Variants in TLN2 observed in about 807,000 individuals in gnomAD.
TLN2 encodes talin 2.
In TLN2, 118 loss-of-function variants were observed where a neutral mutation model predicts 294.7. The observed-to-expected ratio is 0.40, with a 90% CI of 0.34 to 0.47. The LOEUF is 0.47. Ranked by LOEUF, TLN2 falls within the 20% of genes least tolerant of loss-of-function variation. The pLI is 0.84. For synonymous variants in TLN2, 1,431 were observed against 1,304.5 expected (o/e 1.10, Z -2.09); for missense variants, 3,083 against 3,282.2 (o/e 0.94, Z 1.48).
chr15:62,662,984 C>G (rs1344043836), intron 9 of TLN2, among the ~76,000 whole-genome samples: 1 of 151,752 alleles, frequency 6.6e-6, no homozygotes, highest in African/African-American at 2.4e-5. Context: ...CCACCACGCC[C>G]GGCTAATTTT....
rs779849306 is a variant in TLN2, at chr15:62,755,608, C to T, written c.4553C>T (p.Thr1518Met). 73 of 1,614,100 alleles carry T rather than the reference C, an allele frequency of 4.5e-5. No individual in the cohort carries two copies. Among genetic ancestry groups the T allele is most frequent in the Non-Finnish European group, 5.7e-5 (67 of 1,180,022 alleles). Residue 1518 changes from threonine to methionine, a missense_variant, in exon 37 of 59, where the codon ACG (threonine) becomes ATG (methionine). Physicochemically the swap from Thr to Met is moderately conservative, Grantham distance 81 (BLOSUM62 -1). Coordinates refer to ENST00000636159, the MANE Select transcript of TLN2 (RefSeq NM_015059.3). ...GCCTGCCGCATCGCCTCATCCAAGA[C>T]GGCCAACCCAGTAGCCAAGAGGCAC... ...CNACRIASSK[T>M]ANPVAKRHFV...
intron 54 of TLN2, chr15:62,831,857 C>G (rs2141245325): frequency 6.6e-6 from 1 of 152,328 alleles, no homozygotes; most frequent in East Asian, 1.9e-4. Flanking sequence ...AGACTTGTAT[C>G]CCTCCTGTCT....
intron 57 of TLN2, among the ~76,000 whole-genome samples, chr15:62,836,351 G>C (rs1031751050): frequency 6.6e-6 from 1 of 152,222 alleles, no homozygotes; most frequent in Non-Finnish European, 1.5e-5. Context: ...TGACTCATCT[G>C]GGAAGCCCTC....
intron 32 of TLN2, among the ~76,000 whole-genome samples, chr15:62,745,561 T>C (rs879208687): frequency 6.6e-6 from 1 of 152,194 alleles, no homozygotes; most frequent in South Asian, 2.1e-4. Context: ...TTTAGAGGGG[T>C]AGGCCCATTC....
chr15:62,478,763 T>C (rs1217732126), intron 1 of TLN2, among the ~76,000 whole-genome samples: 1 of 152,226 alleles, frequency 6.6e-6, no homozygotes, highest in Non-Finnish European at 1.5e-5. Flanking sequence ...GTGACCTCGC[T>C]CTGGTCAGAG....
intron 1 of TLN2, among the ~76,000 whole-genome samples, chr15:62,574,987 A>G (rs1304960537): frequency 6.6e-6 from 1 of 152,150 alleles, no homozygotes; most frequent in South Asian, 2.1e-4. Flanking sequence ...GTTGACTTAG[A>G]TGAGTGCTTC....
chr15:62,603,285 GT>G (rs940593420), intron 2 of TLN2, among the ~76,000 whole-genome samples: 3 of 151,910 alleles, frequency 2.0e-5, no homozygotes, highest in South Asian at 2.1e-4. Flanking sequence ...CGTTGTAGTG[GT>G]TTTTTTTTAA....
intron 37 of TLN2, among the ~76,000 whole-genome samples, chr15:62,758,041 G>C (rs1280634704): frequency 1.3e-5 from 2 of 152,172 alleles, no homozygotes; most frequent in Admixed American, 6.5e-5. Context: ...CTTAAGACAG[G>C]TGCCCTGATA....
In TLN2 at chr15:62,727,717, G is replaced by A. The variant is rs374362791; in HGVS notation, c.3358+528G>A. Among the ~76,000 whole-genome samples the A allele has an allele frequency of 2.1e-4, 32 of 152,342 alleles. No individual in the cohort carries two copies. In the East Asian group the frequency reaches 4.6e-3, roughly 22 times the overall value. On this transcript the variant is annotated intron_variant, in intron 28 of 58. Coordinates refer to ENST00000636159, the MANE Select transcript of TLN2 (RefSeq NM_015059.3). ...TAAACATCTCTATAAGGAACAGATT[G>A]CACAATCATCAACTCTAAGAAAAGC...
At chr15:62,462,432 A>G (rs1488662686) in intron 1 of TLN2, among the ~76,000 whole-genome samples, 2 of 152,236 alleles carry the variant, frequency 1.3e-5, no homozygotes, top group Non-Finnish European at 2.9e-5. Flanking sequence ...ACTTGAGGAA[A>G]CTGGCTGGAC....
At position 62,673,834 on chromosome 15, in the gene TLN2, G is replaced by A. The variant is rs2055799058; in HGVS notation, c.796G>A (p.Glu266Lys). Residue 266 changes from glutamate (E) to lysine (K), a missense_variant, in exon 10 of 59, where the codon GAA becomes AAA. Glu to Lys is a moderately conservative substitution (Grantham distance 56, BLOSUM62 1). Transcript: ENST00000636159. ...KHKPGFLDLK[E>K]FLPKEYIKQR... ...TAAATGTCTCTCTCTTAGTCTGAAG[G>A]AATTCCTGCCCAAAGAATATATCAA... The A allele has an allele frequency of 1.2e-6, 2 of 1,612,904 alleles. No homozygotes were observed. The highest frequency in any genetic ancestry group is 1.7e-6 in the Non-Finnish European group (2 of 1,179,404).
intron 1 of TLN2, among the ~76,000 whole-genome samples, chr15:62,571,393 T>C (rs1239351309): frequency 1.3e-5 from 2 of 152,244 alleles, no homozygotes; most frequent in African/African-American, 2.4e-5. Context: ...GACTGCACTT[T>C]TTACAGCCAG....
intron 1 of TLN2, among the ~76,000 whole-genome samples, chr15:62,580,480 G>C (rs2044859275): frequency 7.1e-6 from 1 of 141,548 alleles, no homozygotes; most frequent in Non-Finnish European, 1.5e-5. Context: ...GCGAGATCTA[G>C]GCACAGTGCA....
chr15:62,398,680 CAA>C (rs887996448), intron 1 of TLN2, among the ~76,000 whole-genome samples: 13 of 152,260 alleles, frequency 8.5e-5, no homozygotes, highest in African/African-American at 3.1e-4. Context: ...TATGCTTCAG[CAA>C]AGAGACTGGT....
At position 62,835,757 on chromosome 15, in the gene TLN2, T is replaced by C; in HGVS notation, c.7149T>C (p.Asn2383=). The C allele has an allele frequency of 6.2e-7, 1 of 1,614,176 alleles. No homozygotes were observed. Among genetic ancestry groups the C allele is most frequent in the Non-Finnish European group, 8.5e-7 (1 of 1,180,024 alleles). The change falls in exon 56 of 59, where the codon AAT becomes AAC. Residue 2383 remains asparagine, a synonymous_variant. Coordinates refer to ENST00000636159, the MANE Select transcript of TLN2 (RefSeq NM_015059.3). The part of the protein sequence containing the change: ...AQGKVGSIPA[N]AADDGQWSQG... The stretch of plus-strand genomic sequence containing the variant: ...TCTAGGTGGGCTCCATCCCTGCCAA[T>C]GCTGCAGACGACGGACAGTGGTCAC...
chr15:62,667,188 G>A (rs192105422), intron 9 of TLN2, among the ~76,000 whole-genome samples: 351 of 152,118 alleles, frequency 2.3e-3, no homozygotes, highest in Non-Finnish European at 3.0e-3. Context: ...GGATGGTCTC[G>A]ATCTCCTGAC....
At position 62,809,717 on chromosome 15, in the gene TLN2, C is replaced by A. The variant is rs527617012; in HGVS notation, c.6664-208C>A. ...CTATCGTTTGGCCCCAGGGCACTAA[C>A]AAAGTCTGCACACAGACTGCATCAG... On this transcript the variant is annotated intron_variant, in intron 51 of 58. Coordinates refer to ENST00000636159, the MANE Select transcript of TLN2 (RefSeq NM_015059.3). Among the ~76,000 whole-genome samples the A allele has an allele frequency of 3.3e-5, 5 of 152,308 alleles. No homozygotes were observed. The East Asian group carries it at 9.6e-4, about 29-fold the overall frequency.
At chr15:62,829,467 C>T (rs1248324479) in intron 54 of TLN2, 3 of 152,064 alleles carry the variant, frequency 2.0e-5, no homozygotes, top group Non-Finnish European at 4.4e-5. Context: ...AAAGACCTGC[C>T]CCCATGATTC....
rs140602919 is a variant in TLN2 at position 62,731,555 on chromosome 15, C to A, written c.3358+4366C>A. On this transcript the variant is annotated intron_variant, in intron 28 of 58. Coordinates refer to ENST00000636159, the MANE Select transcript of TLN2 (RefSeq NM_015059.3). The stretch of plus-strand genomic sequence containing the variant: ...CTTTGAGGGTGTAGCCCTTGTGTGT[C>A]CCGTCTGAAAGGGTTGCTGTTTACC... Among the ~76,000 whole-genome samples the A allele has an allele frequency of 3.3e-5, 5 of 152,216 alleles. No individual in the cohort carries two copies. In the East Asian group the frequency reaches 9.6e-4, roughly 29 times the overall value.
Sources: gnomAD v4.1 joint callset for allele counts (sites outside exome capture counted in the v4.1 genomes callset) on GRCh38, gnomAD v4.1.1 for gene constraint, MANE v1.5 for transcripts, NCBI Gene and HGNC (gene_info 2026-07-23, HGNC 2026-07-21) for gene names.